The following ATP2C2 variants were observed in gnomAD, a reference collection of about 807,000 sequenced individuals.
The protein encoded by ATP2C2 is calcium-transporting ATPase type 2C member 2.
In ATP2C2, 171 loss-of-function variants were observed where a neutral mutation model predicts 110.8. That is an observed-to-expected ratio of 1.54 (90% confidence interval 1.36 to 1.75). The LOEUF is 1.75. ATP2C2 is among the 40% of genes most tolerant of loss of function. The pLI, the probability that ATP2C2 is intolerant of heterozygous loss-of-function variation, is 0.00. For synonymous variants in ATP2C2, 804 were observed against 508.4 expected, an observed-to-expected ratio of 1.58 and a Z score of -7.82; for missense variants, 1,963 against 1,235.0, an observed-to-expected ratio of 1.59 and a Z score of -8.84.
At chr16:84,419,720 C>T (rs1048408389) in intron 7 of ATP2C2, among the ~76,000 whole-genome samples, 3 of 152,150 alleles carry the variant, frequency 2.0e-5, no homozygotes, top group Non-Finnish European at 2.9e-5. Context: ...GCACCTACTA[C>T]GTATGAGGCC....
At chr16:84,383,777 GGTTT>G (rs1306235900) in intron 1 of ATP2C2, among the ~76,000 whole-genome samples, 1 of 126,924 alleles carries the variant, frequency 7.9e-6, no homozygotes, top group Non-Finnish European at 1.6e-5. Context: ...TGGGGGTGTT[GGTTT>G]TGTTGGTTTT....
rs369299386 is a variant in ATP2C2 at position 84,448,679 on chromosome 16, C to T, written c.1650C>T (p.Leu550=). Residue 550 remains leucine, a synonymous_variant, in exon 17 of 27, where the codon CTC becomes CTT. Coordinates refer to ENST00000262429, the MANE Select transcript of ATP2C2 (RefSeq NM_014861.4). ...CLQEEKRMGS[L]GLRVLALASG... ...AGGAAGAGAAGAGGATGGGGTCGCT[C>T]GGTTTGCGGGGTCAGTGCCTGTGGT... 56 of 1,612,072 alleles carry T rather than the reference C, an allele frequency of 3.5e-5. No homozygotes were observed. Among genetic ancestry groups the T allele is most frequent in the African/African-American group, 1.9e-4 (14 of 74,870 alleles).
intron 1 of ATP2C2, among the ~76,000 whole-genome samples, chr16:84,393,719 G>T (rs1328900757): frequency 6.6e-6 from 1 of 150,588 alleles, no homozygotes; most frequent in Non-Finnish European, 1.5e-5. Context: ...AGGATGGGAG[G>T]CCAGTGGATG....
chr16:84,432,016 C>G (rs1418068034), intron 11 of ATP2C2, among the ~76,000 whole-genome samples: 1 of 152,252 alleles, frequency 6.6e-6, no homozygotes, highest in African/African-American at 2.4e-5. Context: ...TCCCGCCGAG[C>G]TGAAGAACGG....
chr16:84,445,272 G>C (rs1316648325), intron 15 of ATP2C2, among the ~76,000 whole-genome samples: 1 of 147,648 alleles, frequency 6.8e-6, no homozygotes, highest in Non-Finnish European at 1.5e-5. Context: ...GCACTGGCTT[G>C]ATCTCCGCTC....
At chr16:84,417,791 ACT>A (rs1195614833) in intron 7 of ATP2C2, among the ~76,000 whole-genome samples, 17 of 152,140 alleles carry the variant, frequency 1.1e-4, no homozygotes, top group Non-Finnish European at 1.8e-4. Context: ...GGCTGTGAAC[ACT>A]CTATGGATTT....
chr16:84,388,882 C>T (rs528454208), intron 1 of ATP2C2, among the ~76,000 whole-genome samples: 3 of 152,302 alleles, frequency 2.0e-5, no homozygotes, highest in Non-Finnish European at 4.4e-5. Context: ...AGCGATTCTC[C>T]TGCCTCAGCC....
At position 84,410,591 on chromosome 16, in the gene ATP2C2, C is replaced by T. The variant is rs772937871; in HGVS notation, c.441C>T (p.Val147=). The T allele has an allele frequency of 3.0e-5, 48 of 1,613,984 alleles. No individual in the cohort carries two copies. The highest frequency in any genetic ancestry group is 1.8e-4 in the South Asian group (16 of 91,070). Residue 147 remains valine, a synonymous_variant, in exon 5 of 27, where the codon GTC becomes GTT. Transcript: ENST00000262429. ...IATAVLVVVT[V]AFIQEYRSEK... ...AGGCAGTGCTTGTCGTGGTCACTGT[C>T]GCCTTCATCCAGGTGAGTATTTCCT...
intron 6 of ATP2C2, 70 bp downstream of exon 6, chr16:84,410,835 G>A: frequency 6.8e-7 from 1 of 1,479,612 alleles, no homozygotes; most frequent in Non-Finnish European, 9.4e-7. Flanking sequence ...TTTGGCAAAT[G>A]TTTGCTGAAA....
chr16:84,385,868 C>A (rs1168824813), intron 1 of ATP2C2, among the ~76,000 whole-genome samples: 2 of 152,246 alleles, frequency 1.3e-5, no homozygotes, highest in Non-Finnish European at 2.9e-5. Context: ...GGGGATTACA[C>A]TTCAGATTAC....
At chr16:84,434,089 G>T (rs774338027) in intron 11 of ATP2C2, among the ~76,000 whole-genome samples, 1 of 152,158 alleles carries the variant, frequency 6.6e-6, no homozygotes, top group Non-Finnish European at 1.5e-5. Flanking sequence ...TAAAATGAGA[G>T]AATCATTTTT....
chr16:84,459,592 G>A (rs1436957708), intron 23 of ATP2C2: 4 of 1,535,662 alleles, frequency 2.6e-6, no homozygotes, highest in African/African-American at 1.4e-5. Context: ...GGCAGAGCTG[G>A]GTGAGGATGG....
intron 9 of ATP2C2, among the ~76,000 whole-genome samples, 172 bp from the exon 10 acceptor site, chr16:84,423,016 T>C (rs915964866): frequency 5.3e-5 from 8 of 152,116 alleles, no homozygotes; most frequent in African/African-American, 1.9e-4. Flanking sequence ...GATACAGCTT[T>C]CAGACAGTAA....
In ATP2C2 at chr16:84,442,554, G is replaced by C; in HGVS notation, c.1356G>C (p.Val452=). Residue 452 remains valine, a synonymous_variant, in exon 15 of 27, where the codon GTG becomes GTC. Transcript: ENST00000262429. ...ANNAVIRKNA[V]MGQPTEGALM... is the part of the protein sequence containing the mutation. ...ATGCGGTCATCAGAAAGAACGCCGTGATGGGGCAGCCCACCGAGGGTGCAT... is the reference window on the plus strand; with the variant it reads ...ATGCGGTCATCAGAAAGAACGCCGTCATGGGGCAGCCCACCGAGGGTGCAT... The C allele has an allele frequency of 1.2e-6, 2 of 1,614,006 alleles. No individual in the cohort carries two copies. The highest frequency in any genetic ancestry group is 1.7e-6 in the Non-Finnish European group (2 of 1,179,966).
chr16:84,446,059 C>T (rs898930384), intron 15 of ATP2C2, among the ~76,000 whole-genome samples: 2 of 152,142 alleles, frequency 1.3e-5, no homozygotes, highest in African/African-American at 2.4e-5. Context: ...TTCCTCCCGG[C>T]AGAAACACTG....
intron 1 of ATP2C2, among the ~76,000 whole-genome samples, chr16:84,378,750 C>T (rs1910397828): frequency 1.3e-5 from 2 of 152,180 alleles, no homozygotes; most frequent in Admixed American, 1.3e-4. Context: ...CGGCCCCCTC[C>T]TTGAAAAATG....
intron 1 of ATP2C2, among the ~76,000 whole-genome samples, chr16:84,386,307 C>G (rs1009769587): frequency 6.6e-6 from 1 of 152,192 alleles, no homozygotes; most frequent in Non-Finnish European, 1.5e-5. Context: ...ATATCTGTCT[C>G]TCTCTGTATC....
chr16:84,405,039 C>T (rs1456126569), intron 2 of ATP2C2, 89 bp from the exon 3 acceptor site: 3 of 1,093,914 alleles, frequency 2.7e-6, no homozygotes, highest in Admixed American at 1.7e-5. Flanking sequence ...ATCATGGAAG[C>T]CGCTGCCTTT....
rs561607251 is a variant in ATP2C2 at position 84,402,419 on chromosome 16, A to G, written c.211-2709A>G. On this transcript the variant is annotated intron_variant, in intron 2 of 26. Coordinates refer to ENST00000262429, the MANE Select transcript of ATP2C2 (RefSeq NM_014861.4). ...AAAGCTTTCAGTTTTTCATCATTCAATATGACACTAGCCCTGGGTCTGTCA... is the reference window on the plus strand; with the variant it reads ...AAAGCTTTCAGTTTTTCATCATTCAGTATGACACTAGCCCTGGGTCTGTCA... Among the ~76,000 whole-genome samples, 16 of 152,326 alleles carry G rather than the reference A, an allele frequency of 1.1e-4. No homozygotes were observed. In the East Asian group the frequency reaches 2.5e-3, roughly 24 times the overall value.
Sources: allele counts gnomAD v4.1 joint callset (sites outside exome capture counted in the v4.1 genomes callset), GRCh38; gene constraint gnomAD v4.1.1; transcripts MANE v1.5; gene names NCBI Gene and HGNC (gene_info 2026-07-23, HGNC 2026-07-21).